ATRNL1: variants seen among roughly 807,000 people sequenced by gnomAD.
The protein encoded by ATRNL1 is attractin-like protein 1.
Under a neutral mutation model 182.7 loss-of-function variants are expected in ATRNL1, and 95 were observed. That is an observed-to-expected ratio of 0.52 (90% CI 0.44 to 0.62). The LOEUF is 0.62. Among genes scored for constraint, ATRNL1 ranks in the 20% least tolerant of loss-of-function variants. ATRNL1 has a pLI of 0.00. For missense variants in ATRNL1, 1,471 were observed against 1,679.5 expected, an observed-to-expected ratio of 0.88 and a Z score of 2.17; for synonymous variants, 576 against 568.3, an observed-to-expected ratio of 1.01 and a Z score of -0.19.
intron 27 of ATRNL1, among the ~76,000 whole-genome samples, chr10:115,756,403 G>T (rs1186434201): frequency 1.3e-5 from 2 of 152,040 alleles, no homozygotes; most frequent in African/African-American, 4.8e-5. Context: ...CTTTATTTCT[G>T]CCTTAATTTC....
chr10:115,679,772 T>G (rs1945988834), intron 26 of ATRNL1, among the ~76,000 whole-genome samples: 2 of 152,098 alleles, frequency 1.3e-5, no homozygotes, highest in Admixed American at 1.3e-4. Flanking sequence ...TTCTTACTGT[T>G]TAGGGCCTTT....
chr10:115,179,619 G>A (rs1847669141), intron 8 of ATRNL1, among the ~76,000 whole-genome samples: 1 of 151,964 alleles, frequency 6.6e-6, no homozygotes, highest in African/African-American at 2.4e-5. Flanking sequence ...GCTACTATTG[G>A]CTTTTTAGAG....
intron 25 of ATRNL1, among the ~76,000 whole-genome samples, chr10:115,531,273 A>T (rs1459858617): frequency 6.6e-6 from 1 of 152,000 alleles, no homozygotes; most frequent in Non-Finnish European, 1.5e-5. Context: ...ATTTCTCCAC[A>T]TCCTCTCCAG....
At chr10:115,910,722 A>C (rs1555115713) in intron 28 of ATRNL1, among the ~76,000 whole-genome samples, 1 of 152,204 alleles carries the variant, frequency 6.6e-6, no homozygotes, top group Non-Finnish European at 1.5e-5. Flanking sequence ...AAGTTAAATG[A>C]CTACAGTGCC....
chr10:115,496,413 C>T (rs1305527607), intron 24 of ATRNL1, among the ~76,000 whole-genome samples: 2 of 152,054 alleles, frequency 1.3e-5, no homozygotes, highest in East Asian at 3.9e-4. Context: ...TGAAAAGTAT[C>T]TTATTTTCCC....
intron 27 of ATRNL1, among the ~76,000 whole-genome samples, chr10:115,780,248 C>T (rs559629222): frequency 7.2e-4 from 109 of 152,290 alleles, no homozygotes; most frequent in Non-Finnish European, 1.2e-3. Context: ...CCAGCACGCA[C>T]AGAGGGAGCA....
intron 8 of ATRNL1, among the ~76,000 whole-genome samples, chr10:115,174,471 A>C (rs1305903624): frequency 2.0e-5 from 3 of 151,774 alleles, no homozygotes; most frequent in Admixed American, 2.0e-4. Flanking sequence ...CCACTGTTTT[A>C]GTTATTTTTG....
chr10:115,558,782 GC>G (rs1303700695), intron 26 of ATRNL1, among the ~76,000 whole-genome samples: 4 of 152,074 alleles, frequency 2.6e-5, no homozygotes, highest in Admixed American at 6.6e-5. Context: ...CTATTTTCCT[GC>G]CTCAAACTTA....
intron 26 of ATRNL1, among the ~76,000 whole-genome samples, chr10:115,630,841 C>CACACACAG (rs1555026102): frequency 9.8e-5 from 13 of 132,654 alleles, no homozygotes; most frequent in African/African-American, 4.2e-4. Context: ...CACACACACA[C>CACACACAG]ACACACACAC....
intron 26 of ATRNL1, among the ~76,000 whole-genome samples, chr10:115,654,441 A>G (rs1860207314): frequency 6.6e-6 from 1 of 151,156 alleles, no homozygotes; most frequent in African/African-American, 2.4e-5. Flanking sequence ...CTGGTCTCCA[A>G]CTCCTGACCT....
intron 27 of ATRNL1, among the ~76,000 whole-genome samples, chr10:115,831,129 A>G (rs929542263): frequency 3.9e-5 from 6 of 152,146 alleles, no homozygotes; most frequent in African/African-American, 1.4e-4. Context: ...GTTCTTCCAG[A>G]AACACGGATG....
intron 19 of ATRNL1, among the ~76,000 whole-genome samples, chr10:115,363,309 A>G (rs1329447132): frequency 1.3e-5 from 2 of 151,940 alleles, no homozygotes; most frequent in Non-Finnish European, 2.9e-5. Flanking sequence ...GGCTGCATAA[A>G]TGTCTTCTTT....
At chr10:115,850,689 G>T (rs1951034058) in intron 28 of ATRNL1, among the ~76,000 whole-genome samples, 1 of 152,170 alleles carries the variant, frequency 6.6e-6, no homozygotes, top group Non-Finnish European at 1.5e-5. Flanking sequence ...TGATGACAAT[G>T]ATAGGAGACT....
chr10:115,284,537 C>G (rs1402828689), intron 14 of ATRNL1, among the ~76,000 whole-genome samples: 1 of 152,172 alleles, frequency 6.6e-6, no homozygotes, highest in African/African-American at 2.4e-5. Context: ...TTACTATGTT[C>G]CAACTGCTGT....
rs139114181 is a variant in ATRNL1, at chr10:115,472,675, A to G, written c.3654+3346A>G. On this transcript the variant is annotated intron_variant, in intron 24 of 28. Transcript: ENST00000355044. Reference sequence around the variant, plus strand: ...ATTGTTAATGTATAGAATTCAACTGATTTTTGTATGTTGGTTTTGTATCCT... The same window carrying G: ...ATTGTTAATGTATAGAATTCAACTGGTTTTTGTATGTTGGTTTTGTATCCT... Among the ~76,000 whole-genome samples, 274 of 151,042 alleles carry G rather than the reference A, an allele frequency of 1.8e-3. 1 individual carries two copies. Among genetic ancestry groups the G allele is most frequent in the Middle Eastern group, 6.8e-3 (2 of 294 alleles).
At chr10:115,161,136 T>C (rs1846766960) in intron 6 of ATRNL1, among the ~76,000 whole-genome samples, 1 of 152,032 alleles carries the variant, frequency 6.6e-6, no homozygotes, top group Admixed American at 6.6e-5. Context: ...CTGGGTATCT[T>C]GTATTTTATC....
At chr10:115,620,529 A>G (rs1227088751) in intron 26 of ATRNL1, among the ~76,000 whole-genome samples, 2 of 152,058 alleles carry the variant, frequency 1.3e-5, no homozygotes, top group Non-Finnish European at 2.9e-5. Context: ...CATTAAACCC[A>G]GGCTAAAAAA....
intron 26 of ATRNL1, among the ~76,000 whole-genome samples, chr10:115,624,451 G>C (rs1555024047): frequency 1.3e-5 from 2 of 151,938 alleles, no homozygotes; most frequent in East Asian, 1.9e-4. Context: ...AACATTATTG[G>C]AATGACATAA....
rs1847726912 is a variant in ATRNL1 at position 115,460,229 on chromosome 10, A to ACAATTTGTATC, written c.3323-1712_3323-1711insCAATTTGTATC. ...CTTTCAATCCTATGTAATTTCTGATAACTTACAAATTGTTATCTACTACGC... is the reference window on the plus strand; with the variant it reads ...CTTTCAATCCTATGTAATTTCTGATACAATTTGTATCACTTACAAATTGTTATCTACTACGC... On this transcript the variant is annotated intron_variant, in intron 21 of 28. Coordinates refer to ENST00000355044, the MANE Select transcript of ATRNL1 (RefSeq NM_207303.4). 4.6e-5 allele frequency among the ~76,000 whole-genome samples: 7 copies of ACAATTTGTATC among 152,088 alleles called. No homozygotes were observed. In the South Asian group the frequency reaches 1.4e-3, roughly 31 times the overall value.
Sources: allele counts gnomAD v4.1 joint callset (sites outside exome capture counted in the v4.1 genomes callset), GRCh38; gene constraint gnomAD v4.1.1; transcripts MANE v1.5; gene names NCBI Gene and HGNC (gene_info 2026-07-23, HGNC 2026-07-21).